Variants in DLGAP2 observed in about 807,000 individuals in gnomAD.
The protein encoded by DLGAP2 is disks large-associated protein 2.
DLGAP2 carries 26 observed loss-of-function variants against 100.3 expected under a neutral mutation model. The ratio of observed to expected loss-of-function variants is 0.26; its 90% CI spans 0.19 to 0.36. DLGAP2 has a LOEUF of 0.36. DLGAP2 is among the 10% of genes least tolerant of loss of function. The probability of loss-of-function intolerance (pLI) is 1.00; values close to 1 mark genes in which losing one functional copy is unlikely to be tolerated. For missense variants in DLGAP2, 1,858 were observed against 1,453.2 expected (o/e 1.28, Z -4.53); for synonymous variants, 886 against 630.1 (o/e 1.41, Z -6.08).
intron 2 of DLGAP2, among the ~76,000 whole-genome samples, chr8:1,131,576 G>A (rs1796295396): frequency 6.6e-6 from 1 of 152,056 alleles, no homozygotes; most frequent in African/African-American, 2.4e-5. Flanking sequence ...TGGAGGTTAG[G>A]GCTTCACCGT....
intron 2 of DLGAP2, among the ~76,000 whole-genome samples, chr8:1,209,933 A>G (rs918521896): frequency 4.6e-5 from 7 of 152,154 alleles, no homozygotes; most frequent in African/African-American, 1.7e-4. Context: ...GCGGTGCTTG[A>G]CCACTTTCAA....
intron 3 of DLGAP2, among the ~76,000 whole-genome samples, chr8:1,387,911 G>A (rs1796255968): frequency 6.6e-6 from 1 of 152,228 alleles, no homozygotes. Flanking sequence ...AGGTTCACCT[G>A]GGGGTCTGGA....
chr8:1,622,945 C>T (rs1237516899), intron 6 of DLGAP2, among the ~76,000 whole-genome samples: 3 of 152,114 alleles, frequency 2.0e-5, no homozygotes, highest in Non-Finnish European at 4.4e-5. Flanking sequence ...CTGGCGGGGC[C>T]ACCGGAGGGT....
chr8:1,059,445 C>G (rs1180036382), intron 2 of DLGAP2, among the ~76,000 whole-genome samples: 2 of 152,168 alleles, frequency 1.3e-5, no homozygotes, highest in African/African-American at 4.8e-5. Flanking sequence ...CAGTTTCTCC[C>G]TCCATGAGAC....
intron 3 of DLGAP2, chr8:1,377,969 C>G (rs1282250006): frequency 6.6e-6 from 1 of 152,580 alleles, no homozygotes; most frequent in Non-Finnish European, 1.5e-5. Flanking sequence ...CAGCCTCCCC[C>G]AGGGCCTTTG....
At chr8:1,011,610 G>C (rs1268107961) in intron 2 of DLGAP2, among the ~76,000 whole-genome samples, 2 of 149,434 alleles carry the variant, frequency 1.3e-5, no homozygotes, top group African/African-American at 5.0e-5. Flanking sequence ...AGGTTCCTCA[G>C]TCTGCACAGT....
At chr8:979,512 A>G (rs1436007344) in intron 2 of DLGAP2, among the ~76,000 whole-genome samples, 1 of 152,220 alleles carries the variant, frequency 6.6e-6, no homozygotes, top group African/African-American at 2.4e-5. Context: ...TATTGTAATC[A>G]ACTTGTGAAA....
intron 3 of DLGAP2, among the ~76,000 whole-genome samples, chr8:1,337,198 GGTGATGA>G (rs1252291080): frequency 1.8e-4 from 12 of 67,992 alleles, no homozygotes; most frequent in Non-Finnish European, 2.8e-4. Context: ...TGAGAATGAT[GGTGATGA>G]TGGTGATGAT....
At chr8:1,317,936 AAAAAT>A in intron 3 of DLGAP2, among the ~76,000 whole-genome samples, 1 of 80,572 alleles carries the variant, frequency 1.2e-5, no homozygotes, top group Non-Finnish European at 2.3e-5. Context: ...GTCAGCGTTT[AAAAAT>A]AGAGCGTGTG....
At chr8:1,627,898 G>C (rs1441055377) in intron 7 of DLGAP2, among the ~76,000 whole-genome samples, 5 of 151,542 alleles carry the variant, frequency 3.3e-5, no homozygotes, top group Admixed American at 6.6e-5. Context: ...TTAAGAGCTT[G>C]AGCCGACCTC....
At chr8:1,621,459 G>A (rs921227326) in intron 6 of DLGAP2, 4 of 152,424 alleles carry the variant, frequency 2.6e-5, no homozygotes, top group Non-Finnish European at 5.9e-5. Context: ...ACACCGGGTT[G>A]GGGTCAGCCC....
intron 3 of DLGAP2, among the ~76,000 whole-genome samples, chr8:1,367,056 C>T (rs753523530): frequency 1.3e-5 from 2 of 152,138 alleles, no homozygotes; most frequent in African/African-American, 2.4e-5. Context: ...CCACAGACCC[C>T]GGTAAATAAC....
chr8:1,324,354 C>G (rs1238470404), intron 3 of DLGAP2, among the ~76,000 whole-genome samples: 2 of 152,170 alleles, frequency 1.3e-5, no homozygotes, highest in African/African-American at 2.4e-5. Context: ...TCAACTTAGT[C>G]CTGAGTTTGA....
At chr8:976,253 A>G (rs562371069) in intron 2 of DLGAP2, among the ~76,000 whole-genome samples, 1 of 152,334 alleles carries the variant, frequency 6.6e-6, no homozygotes, top group South Asian at 2.1e-4. Flanking sequence ...AAGGTACTGT[A>G]ATGAAGACAG....
At chr8:1,151,590 G>A (rs933024397) in intron 2 of DLGAP2, among the ~76,000 whole-genome samples, 1 of 152,150 alleles carries the variant, frequency 6.6e-6, no homozygotes, top group Non-Finnish European at 1.5e-5. Context: ...GAGGTGAGGG[G>A]CACCTTCGCA....
chr8:1,652,207 C>G (rs1487051455), intron 8 of DLGAP2, among the ~76,000 whole-genome samples: 1 of 152,164 alleles, frequency 6.6e-6, no homozygotes, highest in Non-Finnish European at 1.5e-5. Flanking sequence ...TTACGCACAC[C>G]GAGGTTCTTA....
chr8:922,636 A>T lies in DLGAP2; in HGVS notation c.73+14670A>T, dbSNP rs1048388288. On this transcript the variant is annotated intron_variant, in intron 2 of 14. Coordinates refer to ENST00000637795, the MANE Select transcript of DLGAP2 (RefSeq NM_001346810.2). ...TGAGAAGCTTTGATTATTTGCAACC[A>T]TGAACCATATCTAATAGAAATAGTT... Among the ~76,000 whole-genome samples the T allele has an allele frequency of 3.3e-5, 5 of 152,234 alleles. No individual in the cohort carries two copies. The East Asian group carries it at 7.7e-4, about 23-fold the overall frequency.
chr8:1,340,351 AAT>A (rs1320852969), intron 3 of DLGAP2, among the ~76,000 whole-genome samples: 1 of 152,270 alleles, frequency 6.6e-6, no homozygotes, highest in African/African-American at 2.4e-5. Flanking sequence ...ACAAAGGTCT[AAT>A]ATCTGGCATC....
chr8:1,633,231 C>T (rs143603134), intron 8 of DLGAP2, among the ~76,000 whole-genome samples, 185 bp downstream of exon 8: 1 of 152,120 alleles, frequency 6.6e-6, no homozygotes, highest in East Asian at 1.9e-4. Context: ...TGTAGATAAC[C>T]TTTCTTTTTC....
Sources: allele counts gnomAD v4.1 joint callset (sites outside exome capture counted in the v4.1 genomes callset), GRCh38; gene constraint gnomAD v4.1.1; transcripts MANE v1.5; gene names NCBI Gene and HGNC (gene_info 2026-07-23, HGNC 2026-07-21).